Variants in AJAP1 observed in about 807,000 individuals in gnomAD.
AJAP1 encodes adherens junction-associated protein 1.
AJAP1 carries 5 observed loss-of-function variants against 35.0 expected under a neutral mutation model. That is an observed-to-expected ratio of 0.14 (90% CI 0.07 to 0.30). The LOEUF (loss-of-function observed/expected upper bound fraction) is 0.30, where lower values mean the gene tolerates loss of function less well. Among genes scored for constraint, AJAP1 ranks in the 10% least tolerant of loss-of-function variants. The pLI is 1.00. For synonymous variants in AJAP1, 284 were observed against 249.3 expected, an observed-to-expected ratio of 1.14 and a Z score of -1.31; for missense variants, 586 against 571.0, an observed-to-expected ratio of 1.03 and a Z score of -0.27.
chr1:4,782,839 G>A lies in AJAP1; in HGVS notation c.*354G>A, dbSNP rs932719936. On this transcript the variant is annotated 3_prime_UTR_variant, in exon 6 of 6. Transcript: ENST00000378191. This position sits in a 1 kb window ranked among gnomAD's most constrained non-coding sequence, Gnocchi z 5.3. ...GCGAAAGGGACGGGAGGAAGCATCC[G>A]AAACCTAGGATTCGTCCTACGATTC... The A allele has an allele frequency of 3.8e-5, 15 of 398,496 alleles. No individual in the cohort carries two copies. Among genetic ancestry groups the A allele is most frequent in the Non-Finnish European group, 5.3e-5 (12 of 226,084 alleles). 24.7% of individuals were successfully genotyped at this position (398,496 alleles called of 1,614,324 possible).
At chr1:4,763,442 C>T (rs1641616114) in intron 2 of AJAP1, among the ~76,000 whole-genome samples, 1 of 152,232 alleles carries the variant, frequency 6.6e-6, no homozygotes, top group Non-Finnish European at 1.5e-5. Context: ...GTAGTGTTGG[C>T]TTGAAGCACT....
At chr1:4,736,225 G>A (rs1358111568) in intron 2 of AJAP1, among the ~76,000 whole-genome samples, 1 of 152,214 alleles carries the variant, frequency 6.6e-6, no homozygotes, top group Non-Finnish European at 1.5e-5. Context: ...CTAAACCACA[G>A]CTCTGATGTT....
intron 2 of AJAP1, among the ~76,000 whole-genome samples, chr1:4,714,849 G>A (rs1640353035): frequency 6.6e-6 from 1 of 152,160 alleles, no homozygotes; most frequent in African/African-American, 2.4e-5. Context: ...AGGAAATGCG[G>A]GGATGATTCC....
intron 2 of AJAP1, among the ~76,000 whole-genome samples, chr1:4,732,098 G>A (rs1640810410): frequency 6.6e-6 from 1 of 152,254 alleles, no homozygotes; most frequent in Non-Finnish European, 1.5e-5. Context: ...GGAGGTACAG[G>A]GCACACATTT....
At chr1:4,719,615 C>A (rs1374260101) in intron 2 of AJAP1, among the ~76,000 whole-genome samples, 5 of 151,996 alleles carry the variant, frequency 3.3e-5, no homozygotes, top group African/African-American at 1.2e-4. Context: ...GTGGAGGGAG[C>A]CAGGCCAGGC....
intron 2 of AJAP1, among the ~76,000 whole-genome samples, chr1:4,751,781 A>G (rs1641325702): frequency 6.6e-6 from 1 of 152,240 alleles, no homozygotes; most frequent in African/African-American, 2.4e-5. Flanking sequence ...GAAAGCACTC[A>G]CGCTCTCTGC....
chr1:4,779,726 C>G (rs1342900717), intron 5 of AJAP1, among the ~76,000 whole-genome samples: 3 of 152,116 alleles, frequency 2.0e-5, no homozygotes, highest in African/African-American at 7.2e-5. Flanking sequence ...CAGCTTACAA[C>G]CGGTGACAGT....
intron 2 of AJAP1, among the ~76,000 whole-genome samples, chr1:4,754,424 C>T (rs1284675862): frequency 1.3e-5 from 2 of 152,214 alleles, no homozygotes; most frequent in African/African-American, 4.8e-5. Context: ...GACTCCCTTT[C>T]CCTTCTGGCT....
intron 2 of AJAP1, among the ~76,000 whole-genome samples, chr1:4,753,947 G>GT (rs954806467): frequency 6.6e-6 from 1 of 152,142 alleles, no homozygotes; most frequent in Non-Finnish European, 1.5e-5. Flanking sequence ...TTTGTCTTTT[G>GT]TTTTTTCTCT....
chr1:4,729,309 C>T (rs960585281), intron 2 of AJAP1, among the ~76,000 whole-genome samples: 5 of 152,046 alleles, frequency 3.3e-5, no homozygotes, highest in Admixed American at 6.5e-5. Flanking sequence ...ACTCCTCCTG[C>T]GAGTGCAGAC....
At chr1:4,763,875 T>G in intron 2 of AJAP1, among the ~76,000 whole-genome samples, 1 of 134,436 alleles carries the variant, frequency 7.4e-6, no homozygotes, top group South Asian at 2.9e-4. Flanking sequence ...CCCTCCCTCT[T>G]TCTCCCCCAC....
In AJAP1 at chr1:4,791,889, C is replaced by A. The variant is rs981877013; in HGVS notation, c.*9404C>A. The A allele has an allele frequency of 1.4e-5, 1 of 71,116 alleles. No individual in the cohort carries two copies. Among genetic ancestry groups the A allele is most frequent in the Non-Finnish European group, 2.8e-5 (1 of 35,834 alleles). 4.4% of individuals were successfully genotyped at this position (71,116 alleles called of 1,614,324 possible). The stretch of plus-strand genomic sequence containing the variant: ...TTTAAAGATGGAGCCCATTGTCCCC[C>A]CTCCTCCTCAGCTCACCCATGGAAC... On this transcript the variant is annotated 3_prime_UTR_variant, in exon 6 of 6. Transcript: ENST00000378191.
At chr1:4,711,392 C>T (rs2100264284) in intron 1 of AJAP1, among the ~76,000 whole-genome samples, 1 of 152,266 alleles carries the variant, frequency 6.6e-6, no homozygotes, top group South Asian at 2.1e-4. Context: ...AGAGGCGCTT[C>T]CCCAGTGGGC....
intron 2 of AJAP1, among the ~76,000 whole-genome samples, chr1:4,768,977 G>T (rs1406320744): frequency 6.6e-6 from 1 of 152,172 alleles, no homozygotes; most frequent in African/African-American, 2.4e-5. Context: ...GAAGGTTTTG[G>T]GACAGAGGTG....
intron 1 of AJAP1, among the ~76,000 whole-genome samples, chr1:4,679,808 G>GGTGTGTGTGTGTGTGT (rs60846836): frequency 4.8e-4 from 69 of 142,322 alleles, no homozygotes; most frequent in East Asian, 1.7e-3. Context: ...GAACCAATAG[G>GGTGTGTGTGTGTGTGT]GTGTGTGTGT....
At chr1:4,778,604 TC>T (rs1222029951) in intron 5 of AJAP1, among the ~76,000 whole-genome samples, 300 of 148,160 alleles carry the variant, frequency 2.0e-3, no homozygotes, top group African/African-American at 7.0e-3. Context: ...TCTCTCTCTC[TC>T]TCTCTCTCTT....
chr1:4,690,538 G>T (rs1423159797), intron 1 of AJAP1, among the ~76,000 whole-genome samples: 2 of 152,350 alleles, frequency 1.3e-5, no homozygotes, highest in Non-Finnish European at 2.9e-5. Context: ...CTCTTGGCTG[G>T]TGGTTGCAGA....
At chr1:4,702,866 G>A (rs1393430068) in intron 1 of AJAP1, among the ~76,000 whole-genome samples, 2 of 152,182 alleles carry the variant, frequency 1.3e-5, no homozygotes, top group East Asian at 3.9e-4. Context: ...CCTGGGGATG[G>A]GGCATTGGGA....
chr1:4,668,691 G>C (rs1230329328), intron 1 of AJAP1, among the ~76,000 whole-genome samples: 1 of 152,148 alleles, frequency 6.6e-6, no homozygotes, highest in African/African-American at 2.4e-5. Context: ...GGGAGTGTGG[G>C]GCTCATCCAT....
Sources: gnomAD v4.1 joint callset for allele counts (sites outside exome capture counted in the v4.1 genomes callset) on GRCh38, gnomAD v4.1.1 for gene constraint, Gnocchi (gnomAD v3.1) non-coding constraint, MANE v1.5 for transcripts, NCBI Gene and HGNC (gene_info 2026-07-23, HGNC 2026-07-21) for gene names.